The following MEF2A variants were observed in gnomAD, a reference collection of about 807,000 sequenced individuals.
The protein encoded by MEF2A is myocyte-specific enhancer factor 2A.
In MEF2A, 28 loss-of-function variants were observed where a neutral mutation model predicts 55.8. The observed-to-expected ratio is 0.50, with a 90% confidence interval of 0.37 to 0.69. MEF2A has a LOEUF of 0.69. MEF2A is among the 30% of genes least tolerant of loss of function. The pLI is 0.00. For missense variants in MEF2A, 528 were observed against 626.2 expected (o/e 0.84, Z 1.67); for synonymous variants, 239 against 227.1 (o/e 1.05, Z -0.47).
At chr15:99,709,670 C>T (rs2058403333) in intron 10 of MEF2A, among the ~76,000 whole-genome samples, 1 of 152,188 alleles carries the variant, frequency 6.6e-6, no homozygotes, top group Non-Finnish European at 1.5e-5. Context: ...GTTTTGCCAC[C>T]TCTCTTTGGA....
chr15:99,595,386 A>G (rs962262291), intron 1 of MEF2A, among the ~76,000 whole-genome samples: 7 of 151,824 alleles, frequency 4.6e-5, no homozygotes, highest in African/African-American at 1.7e-4. Context: ...TTTTCTCATT[A>G]AGGACTTTTC....
chr15:99,712,305 C>T lies in MEF2A; in HGVS notation c.1137-85C>T. ...AAGATTTCAGACTCTGGGCCCTTTT[C>T]CATCAGGCAGTGTCTCTACTGTATC... On this transcript the variant is annotated intron_variant, in intron 11 of 11. Transcript: ENST00000557942. This position sits in a 1 kb window ranked among gnomAD's most constrained non-coding sequence, Gnocchi z 4.1. 1 of 1,441,890 alleles carries T rather than the reference C, an allele frequency of 6.9e-7. No individual in the cohort carries two copies. Among genetic ancestry groups the T allele is most frequent in the South Asian group, 1.5e-5 (1 of 66,704 alleles). 89.3% of individuals were successfully genotyped at this position (1,441,890 alleles called of 1,614,324 possible).
At chr15:99,697,808 A>G (rs1597241812) in intron 8 of MEF2A, among the ~76,000 whole-genome samples, 1 of 152,192 alleles carries the variant, frequency 6.6e-6, no homozygotes, top group African/African-American at 2.4e-5. Context: ...AAATACTACT[A>G]CTACCCGATT....
chr15:99,712,869 G>GTACA lies in MEF2A; in HGVS notation c.*105_*108dup. 8.0e-7 allele frequency: 1 copy of GTACA among 1,253,840 alleles called. No homozygotes were observed. Among genetic ancestry groups the GTACA allele is most frequent in the Non-Finnish European group, 1.1e-6 (1 of 908,630 alleles). The allele number at this position is 1,253,840 out of a possible 1,614,324, so 77.7% of individuals were successfully genotyped here. Reference sequence around the variant, plus strand: ...GGACATGAGTTAAATATATTTATATGTACATACATATATATATCCCTTTAC... The same window carrying GTACA: ...GGACATGAGTTAAATATATTTATATGTACATACATACATATATATATCCCTTTAC... On this transcript the variant is annotated 3_prime_UTR_variant, in exon 12 of 12. Transcript: ENST00000557942. This position sits in a 1 kb window ranked among gnomAD's most constrained non-coding sequence, Gnocchi z 4.1.
chr15:99,581,680 A>T (rs935858954), intron 1 of MEF2A, among the ~76,000 whole-genome samples: 10 of 152,142 alleles, frequency 6.6e-5, no homozygotes, highest in African/African-American at 1.9e-4. Flanking sequence ...AAATGGAAAC[A>T]TATATAAGAT....
At chr15:99,578,798 A>G (rs1965101828) in intron 1 of MEF2A, among the ~76,000 whole-genome samples, 2 of 152,260 alleles carry the variant, frequency 1.3e-5, no homozygotes, top group African/African-American at 4.8e-5. Context: ...CAAAAACTTT[A>G]TCACTGACAC....
chr15:99,621,728 A>C (rs147421630), intron 2 of MEF2A, among the ~76,000 whole-genome samples: 1 of 152,174 alleles, frequency 6.6e-6, no homozygotes, highest in Non-Finnish European at 1.5e-5. Flanking sequence ...TTAAATCCTT[A>C]AGTTCCATTC....
chr15:99,673,729 C>G (rs529372534), intron 5 of MEF2A, among the ~76,000 whole-genome samples: 6 of 152,046 alleles, frequency 3.9e-5, no homozygotes, highest in African/African-American at 1.4e-4. Flanking sequence ...AATCTTTATA[C>G]AATTTAAAGA....
chr15:99,574,757 C>T (rs1963714017), intron 1 of MEF2A, among the ~76,000 whole-genome samples: 1 of 152,182 alleles, frequency 6.6e-6, no homozygotes, highest in African/African-American at 2.4e-5. Flanking sequence ...TGTGTGGCCC[C>T]ATTCCTAACA....
At chr15:99,577,722 G>C (rs560732461) in intron 1 of MEF2A, among the ~76,000 whole-genome samples, 3 of 152,174 alleles carry the variant, frequency 2.0e-5, no homozygotes, top group Admixed American at 6.5e-5. Context: ...ATCCCACATT[G>C]CATTTATTTG....
Position 99,566,270 on chromosome 15 carries a change from C to T in MEF2A, c.-225+166C>T, listed in dbSNP as rs1302304450. 1.0e-4 allele frequency among the ~76,000 whole-genome samples: 9 copies of T among 86,964 alleles called. No individual in the cohort carries two copies. In the Admixed American group the frequency reaches 1.1e-3, roughly 10 times the overall value. 57.1% of individuals were successfully genotyped at this position (86,964 alleles called of 152,430 possible). A position where few individuals can be genotyped will look rare whatever the true frequency, so the allele number is the denominator to read the frequency against. On this transcript the variant is annotated intron_variant, in intron 1 of 11. Coordinates refer to ENST00000557942, the MANE Select transcript of MEF2A (RefSeq NM_001319206.4). ...GGCTCCGGGGACCCCTGGACGAGGC[C>T]GTGTCCGGCTTGGAGGGGGCCAGGG...
At chr15:99,566,348 CTGGGAGGCGGCGAGGGGTGG>C (rs1402610318) in intron 1 of MEF2A, 3 of 125,842 alleles carry the variant, frequency 2.4e-5, no homozygotes, top group African/African-American at 9.0e-5. Flanking sequence ...GGGTAGGGTG[CTGGGAGGCGGCGAGGGGTGG>C]TCGGGTCGGG....
Position 99,706,856 on chromosome 15 carries a change from G to A in MEF2A, c.1009+1G>A. The A allele has an allele frequency of 6.2e-7, 1 of 1,613,742 alleles. No individual in the cohort carries two copies. The highest frequency in any genetic ancestry group is 1.3e-5 in the African/African-American group (1 of 75,034). ...GCAATGCCGACTGCCTACAACACTG[G>A]TGAGCCTGCTCTGGTGCCTTCCGTA... On this transcript the variant is annotated splice_donor_variant, in intron 10 of 11. Transcript: ENST00000557942. LOFTEE classifies it high-confidence loss of function.
At chr15:99,581,884 A>G (rs1966042146) in intron 1 of MEF2A, among the ~76,000 whole-genome samples, 1 of 152,144 alleles carries the variant, frequency 6.6e-6, no homozygotes, top group South Asian at 2.1e-4. Flanking sequence ...AGAGTTGTGG[A>G]AAAAATACAC....
rs1350443181 is a variant in MEF2A, at chr15:99,716,471, G to A, written c.*3700G>A. The A allele has an allele frequency of 8.8e-6, 4 of 456,794 alleles. No individual in the cohort carries two copies. The highest frequency in any genetic ancestry group is 1.5e-5 in the South Asian group (1 of 64,568). The allele number at this position is 456,794 out of a possible 1,614,324, so 28.3% of individuals were successfully genotyped here. On this transcript the variant is annotated 3_prime_UTR_variant, in exon 12 of 12. Coordinates refer to ENST00000557942, the MANE Select transcript of MEF2A (RefSeq NM_001319206.4). ...CTCCCGCACTCACTCCAGTAAAGAC[G>A]GACTGGCTCTTCCTGTGCGTCGAGA...
At chr15:99,597,469 C>T (rs558584128) in intron 1 of MEF2A, among the ~76,000 whole-genome samples, 1 of 152,090 alleles carries the variant, frequency 6.6e-6, no homozygotes, top group Non-Finnish European at 1.5e-5. Context: ...CAATGGTGCC[C>T]GAAACTTCAT....
In MEF2A at chr15:99,585,993, C is replaced by T. The variant is rs183735766; in HGVS notation, c.-224-12437C>T. ...CTTTTGTCCCTCAGCAAAATGTTTT[C>T]GTGATTCATCTGTGTTTGTATCTGT... On this transcript the variant is annotated intron_variant, in intron 1 of 11. Transcript: ENST00000557942. Among the ~76,000 whole-genome samples, 59 of 151,934 alleles carry T rather than the reference C, an allele frequency of 3.9e-4. No homozygotes were observed. In the East Asian group the frequency reaches 0.01, roughly 26 times the overall value.
chr15:99,684,706 T>C (rs1447625361), intron 7 of MEF2A, among the ~76,000 whole-genome samples: 1 of 152,214 alleles, frequency 6.6e-6, no homozygotes, highest in Non-Finnish European at 1.5e-5. Flanking sequence ...TTTAATTAGG[T>C]CCCATCTATT....
At chr15:99,622,795 C>T (rs923499195) in intron 2 of MEF2A, among the ~76,000 whole-genome samples, 5 of 151,410 alleles carry the variant, frequency 3.3e-5, no homozygotes, top group African/African-American at 7.3e-5. Flanking sequence ...CTCCGCCTCC[C>T]GGGTTCATGC....
Sources: gnomAD v4.1 joint callset for allele counts (sites outside exome capture counted in the v4.1 genomes callset) on GRCh38, gnomAD v4.1.1 for gene constraint, Gnocchi (gnomAD v3.1) non-coding constraint, MANE v1.5 for transcripts, NCBI Gene and HGNC (gene_info 2026-07-23, HGNC 2026-07-21) for gene names.